Variants in CAMK1D observed in about 807,000 individuals in gnomAD.
The protein encoded by CAMK1D is calcium/calmodulin dependent protein kinase ID.
Under a neutral mutation model 47.7 loss-of-function variants are expected in CAMK1D, and 9 were observed. The observed-to-expected ratio is 0.19, with a 90% CI of 0.11 to 0.33. The LOEUF (loss-of-function observed/expected upper bound fraction) is 0.33. Ranked by LOEUF, CAMK1D falls within the 10% of genes least tolerant of loss-of-function variation. The pLI, the probability that CAMK1D is intolerant of heterozygous loss-of-function variation, is 1.00. For missense variants in CAMK1D, 291 were observed against 488.7 expected, an observed-to-expected ratio of 0.60 and a Z score of 3.81; for synonymous variants, 184 against 184.9, an observed-to-expected ratio of 0.99 and a Z score of 0.04.
At chr10:12,819,869 G>T (rs912754625) in intron 8 of CAMK1D, among the ~76,000 whole-genome samples, 1 of 152,184 alleles carries the variant, frequency 6.6e-6, no homozygotes, top group African/African-American at 2.4e-5. Flanking sequence ...GGGCAGGGAG[G>T]ACTGTGAGTG....
At chr10:12,630,961 C>T (rs1448266197) in intron 2 of CAMK1D, among the ~76,000 whole-genome samples, 6 of 152,270 alleles carry the variant, frequency 3.9e-5, no homozygotes, top group Admixed American at 6.5e-5. Flanking sequence ...CTTGGTGATG[C>T]ATTATCTTAC....
At chr10:12,436,446 G>A (rs897741086) in intron 1 of CAMK1D, among the ~76,000 whole-genome samples, 6 of 152,194 alleles carry the variant, frequency 3.9e-5, no homozygotes, top group African/African-American at 1.2e-4. Flanking sequence ...GAAGCTGGTC[G>A]GAGGCATTAT....
At chr10:12,681,582 G>A (rs1279733978) in intron 3 of CAMK1D, among the ~76,000 whole-genome samples, 1 of 152,242 alleles carries the variant, frequency 6.6e-6, no homozygotes, top group Non-Finnish European at 1.5e-5. Flanking sequence ...CTCTTCTGCT[G>A]TGGTCCTAGT....
intron 1 of CAMK1D, among the ~76,000 whole-genome samples, chr10:12,505,937 T>C (rs1834858177): frequency 1.3e-5 from 2 of 152,222 alleles, no homozygotes; most frequent in African/African-American, 4.8e-5. Context: ...CATTTAGAAT[T>C]CATTCTTTTG....
chr10:12,615,190 T>C (rs1264661385), intron 2 of CAMK1D, among the ~76,000 whole-genome samples: 1 of 152,158 alleles, frequency 6.6e-6, no homozygotes, highest in Non-Finnish European at 1.5e-5. Context: ...TGAGGGGGCC[T>C]CCTGGGCCAC....
chr10:12,600,347 C>T (rs571845523), intron 2 of CAMK1D, among the ~76,000 whole-genome samples: 8 of 152,222 alleles, frequency 5.3e-5, no homozygotes, highest in African/African-American at 1.7e-4. Flanking sequence ...AACAATGGGC[C>T]CTACGTTTTC....
intron 6 of CAMK1D, among the ~76,000 whole-genome samples, chr10:12,800,875 C>T (rs1838400980): frequency 3.3e-5 from 5 of 152,172 alleles, no homozygotes; most frequent in African/African-American, 1.2e-4. Flanking sequence ...GGCAGCGTCT[C>T]CCTCTGTCCC....
In CAMK1D at chr10:12,553,273, G is replaced by C; in HGVS notation, c.141G>C (p.Lys47Asn). 1 of 1,614,224 alleles carries C rather than the reference G, an allele frequency of 6.2e-7. No homozygotes were observed. The highest frequency in any genetic ancestry group is 1.1e-5 in the South Asian group (1 of 91,084). Residue 47 changes from lysine to asparagine, a missense_variant, in exon 2 of 11, where the codon AAG becomes AAC. Coordinates refer to ENST00000619168, the MANE Select transcript of CAMK1D (RefSeq NM_153498.4). ...VVLAEEKATG[K>N]LFAVKCIPKK... Reference sequence around the variant, plus strand: ...TAGCTGAAGAGAAGGCAACTGGCAAGCTCTTTGCTGTGAAGTGTATCCCTA... The same window carrying C: ...TAGCTGAAGAGAAGGCAACTGGCAACCTCTTTGCTGTGAAGTGTATCCCTA...
At chr10:12,633,886 A>G (rs939169908) in intron 2 of CAMK1D, among the ~76,000 whole-genome samples, 1 of 152,192 alleles carries the variant, frequency 6.6e-6, no homozygotes, top group African/African-American at 2.4e-5. Flanking sequence ...AGGTAGGCAC[A>G]GGCCTTTGTG....
At chr10:12,804,103 C>G (rs983935519) in intron 6 of CAMK1D, among the ~76,000 whole-genome samples, 1 of 152,130 alleles carries the variant, frequency 6.6e-6, no homozygotes, top group Non-Finnish European at 1.5e-5. Flanking sequence ...GTGTCATTTA[C>G]AGTGGATGCC....
At chr10:12,661,230 A>G (rs1180368487) in intron 2 of CAMK1D, among the ~76,000 whole-genome samples, 1 of 152,254 alleles carries the variant, frequency 6.6e-6, no homozygotes, top group African/African-American at 2.4e-5. Context: ...TATATTGTTA[A>G]TGATGGCATT....
At chr10:12,789,820 T>C (rs1271505518) in intron 5 of CAMK1D, among the ~76,000 whole-genome samples, 2 of 151,946 alleles carry the variant, frequency 1.3e-5, no homozygotes, top group Non-Finnish European at 2.9e-5. Context: ...TTGTCAGCTC[T>C]AGCTATTTGT....
At chr10:12,828,719 T>C in intron 10 of CAMK1D, 50 bp from the exon 11 acceptor site, 1 of 1,378,978 alleles carries the variant, frequency 7.3e-7, no homozygotes, top group South Asian at 1.2e-5. Context: ...GGAAGCAGGG[T>C]GAGAATTTAC....
chr10:12,799,881 C>T (rs760333779), intron 6 of CAMK1D, among the ~76,000 whole-genome samples: 10 of 152,116 alleles, frequency 6.6e-5, no homozygotes, highest in Non-Finnish European at 1.0e-4. Flanking sequence ...CCCTCCTCCC[C>T]GCCAGTGTTC....
chr10:12,722,367 A>G (rs1161161475), intron 3 of CAMK1D, among the ~76,000 whole-genome samples: 1 of 135,678 alleles, frequency 7.4e-6, no homozygotes, highest in African/African-American at 2.7e-5. Flanking sequence ...AATGGTGTGA[A>G]CCCAGGAGGC....
At chr10:12,446,332 T>G (rs1353779131) in intron 1 of CAMK1D, among the ~76,000 whole-genome samples, 1 of 152,188 alleles carries the variant, frequency 6.6e-6, no homozygotes, top group Non-Finnish European at 1.5e-5. Flanking sequence ...TGCCTCCCCT[T>G]TTTAGACCAT....
intron 3 of CAMK1D, among the ~76,000 whole-genome samples, chr10:12,700,455 A>G (rs1032912462): frequency 1.3e-5 from 2 of 152,170 alleles, no homozygotes; most frequent in African/African-American, 4.8e-5. Context: ...CCATGATTCA[A>G]CTACCGCCCA....
At chr10:12,698,673 A>ATTTTTTTTTTTTTTTTTTTT (rs573723767) in intron 3 of CAMK1D, among the ~76,000 whole-genome samples, 5 of 103,924 alleles carry the variant, frequency 4.8e-5, no homozygotes, top group African/African-American at 1.8e-4. Flanking sequence ...CCTTTAAAGA[A>ATTTTTTTTTTTTTTTTTTTT]TTTTTTTTTT....
At chr10:12,525,930 T>C (rs1349926592) in intron 1 of CAMK1D, among the ~76,000 whole-genome samples, 1 of 152,100 alleles carries the variant, frequency 6.6e-6, no homozygotes, top group Non-Finnish European at 1.5e-5. Context: ...ATTTTTGTAT[T>C]TTTAGTAGAG....
Sources: allele counts gnomAD v4.1 joint callset (sites outside exome capture counted in the v4.1 genomes callset), GRCh38; gene constraint gnomAD v4.1.1; transcripts MANE v1.5; gene names NCBI Gene and HGNC (gene_info 2026-07-23, HGNC 2026-07-21).